The following CACNA2D1 variants were observed in gnomAD, a reference collection of about 807,000 sequenced individuals.
The protein encoded by CACNA2D1 is voltage-dependent calcium channel subunit alpha-2/delta-1.
Under a neutral mutation model 171.5 loss-of-function variants are expected in CACNA2D1, and 53 were observed. The ratio of observed to expected loss-of-function variants is 0.31; its 90% CI spans 0.25 to 0.39. The LOEUF is 0.39. CACNA2D1 is among the 10% of genes least tolerant of loss of function. The pLI is 1.00. For missense variants in CACNA2D1, 903 were observed against 1,299.8 expected (o/e 0.69, Z 4.69); for synonymous variants, 442 against 443.1 (o/e 1.00, Z 0.03).
chr7:82,014,465 C>T lies in CACNA2D1; in HGVS notation c.1158G>A (p.Thr386=), dbSNP rs753918568. ...CATAATTGTGTTGACCAACTGAAAA[C>T]GTGAATACACGTACCTGGATGAATT... ...YNKDKKVRVF[T]FSVGQHNYDR... is the part of the protein sequence containing the mutation. Residue 386 remains threonine, a synonymous_variant, in exon 13 of 39, where the codon ACG becomes ACA. Coordinates refer to ENST00000356860, the MANE Select transcript of CACNA2D1 (RefSeq NM_000722.4). 9.6e-6 allele frequency: 15 copies of T among 1,570,448 alleles called. No homozygotes were observed. Among genetic ancestry groups the T allele is most frequent in the African/African-American group, 4.1e-5 (3 of 74,030 alleles).
rs142990169 is a variant in CACNA2D1 at position 82,299,973 on chromosome 7, G to A, written c.294+35162C>T. Among the ~76,000 whole-genome samples, 91 of 152,260 alleles carry A rather than the reference G, an allele frequency of 6.0e-4. No individual in the cohort carries two copies. In the Middle Eastern group the frequency reaches 0.017, roughly 28 times the overall value. ...GATAAATATGAACTGAAATGGGCGC[G>A]TATGGATTTTACCAGTTAGGAGACA... On this transcript the variant is annotated intron_variant, in intron 3 of 38. Coordinates refer to ENST00000356860, the MANE Select transcript of CACNA2D1 (RefSeq NM_000722.4).
intron 24 of CACNA2D1, among the ~76,000 whole-genome samples, chr7:81,980,172 C>CA (rs35616922): frequency 0.044 from 1,106 of 25,260 alleles, 160 homozygotes; most frequent in African/African-American, 0.086. Context: ...TAAAACCAAG[C>CA]AAAAAAAAAA....
At chr7:82,320,148 A>G (rs1815636985) in intron 3 of CACNA2D1, among the ~76,000 whole-genome samples, 3 of 152,132 alleles carry the variant, frequency 2.0e-5, no homozygotes, top group Non-Finnish European at 4.4e-5. Context: ...TATGTTGCCA[A>G]CAACAAAGGC....
intron 1 of CACNA2D1, among the ~76,000 whole-genome samples, chr7:82,368,133 C>T (rs1821964164): frequency 6.6e-6 from 1 of 152,274 alleles, no homozygotes; most frequent in East Asian, 1.9e-4. Flanking sequence ...GCACTGCCAC[C>T]ACTGCCAGTT....
chr7:82,001,663 A>G, intron 18 of CACNA2D1: 1 of 1,234,438 alleles, frequency 8.1e-7, no homozygotes, highest in Non-Finnish European at 1.1e-6. Context: ...AGTTACCTGG[A>G]TATTGGGTCT....
chr7:82,191,442 G>T (rs913811243), intron 3 of CACNA2D1, among the ~76,000 whole-genome samples: 3 of 151,728 alleles, frequency 2.0e-5, no homozygotes, highest in South Asian at 2.1e-4. Context: ...CTGCTTTTCA[G>T]CAAAAAGGTG....
At chr7:82,067,555 GATTT>G (rs1281326241) in intron 7 of CACNA2D1, among the ~76,000 whole-genome samples, 20 of 152,168 alleles carry the variant, frequency 1.3e-4, no homozygotes, top group African/African-American at 4.6e-4. Flanking sequence ...ATTAAAAAAT[GATTT>G]ATTTGTTCTA....
chr7:82,370,274 A>G (rs2129448140), intron 1 of CACNA2D1, among the ~76,000 whole-genome samples: 1 of 152,158 alleles, frequency 6.6e-6, no homozygotes, highest in East Asian at 1.9e-4. Flanking sequence ...ATGACTGTCT[A>G]CATAACAATC....
Position 82,007,660 on chromosome 7 carries a change from T to C in CACNA2D1, c.1440+19A>G. On this transcript the variant is annotated intron_variant, in intron 16 of 38. Coordinates refer to ENST00000356860, the MANE Select transcript of CACNA2D1 (RefSeq NM_000722.4). ...AGTTTGTCATTTATTATTATTAATT[T>C]TATCAATTAACTTTTAACCTTTAAG... 1.6e-6 allele frequency: 2 copies of C among 1,247,150 alleles called. No homozygotes were observed. Among genetic ancestry groups the C allele is most frequent in the South Asian group, 2.4e-5 (2 of 81,760 alleles). The allele number at this position is 1,247,150 out of a possible 1,614,324, so 77.3% of individuals were successfully genotyped here.
intron 3 of CACNA2D1, among the ~76,000 whole-genome samples, chr7:82,302,189 G>A (rs185736496): frequency 9.9e-5 from 15 of 152,082 alleles, no homozygotes; most frequent in Admixed American, 7.2e-4. Context: ...TCTAGATTTT[G>A]GGGGTTTTTG....
At chr7:82,379,782 C>A (rs1161617013) in intron 1 of CACNA2D1, among the ~76,000 whole-genome samples, 1 of 152,156 alleles carries the variant, frequency 6.6e-6, no homozygotes, top group Non-Finnish European at 1.5e-5. Context: ...AGTGCCAACT[C>A]ATTCCTTCTA....
chr7:82,433,903 C>T (rs1305618133), intron 1 of CACNA2D1, among the ~76,000 whole-genome samples: 14 of 152,212 alleles, frequency 9.2e-5, no homozygotes, highest in Admixed American at 9.2e-4. Flanking sequence ...TTCCAAATCC[C>T]ATCTCCTGGT....
At chr7:82,221,282 G>A (rs916030122) in intron 3 of CACNA2D1, among the ~76,000 whole-genome samples, 11 of 152,084 alleles carry the variant, frequency 7.2e-5, no homozygotes, top group Admixed American at 2.6e-4. Context: ...ACACTTTTGC[G>A]AACTGTGTTA....
intron 3 of CACNA2D1, among the ~76,000 whole-genome samples, chr7:82,276,012 T>C (rs1809270611): frequency 6.6e-6 from 1 of 152,196 alleles, no homozygotes; most frequent in Non-Finnish European, 1.5e-5. Context: ...TATTATCATT[T>C]CTTGACAGGC....
At chr7:81,956,414 A>AAAGGGAAAATAAGGACAAT (rs1793356946) in intron 38 of CACNA2D1, among the ~76,000 whole-genome samples, 6 of 152,068 alleles carry the variant, frequency 3.9e-5, no homozygotes, top group African/African-American at 1.5e-4. Context: ...TTTTGAATCA[A>AAAGGGAAAATAAGGACAAT]AAGGGAAAAT....
At chr7:82,224,120 ATT>A (rs1333908074) in intron 3 of CACNA2D1, among the ~76,000 whole-genome samples, 1 of 152,024 alleles carries the variant, frequency 6.6e-6, no homozygotes, top group Non-Finnish European at 1.5e-5. Context: ...ATTCACTACT[ATT>A]TGCCCAAGAT....
rs75878977 is a variant in CACNA2D1 at position 82,094,848 on chromosome 7, C to T, written c.527-9948G>A. Among the ~76,000 whole-genome samples the T allele has an allele frequency of 4.7e-3, 715 of 151,194 alleles. 7 individuals are homozygous for T. Among genetic ancestry groups the T allele is most frequent in the African/African-American group, 0.015 (610 of 41,040 alleles). ...GTTCTAATGCCAGTGTAGCTATCCTCGTTTCTGCTCCTAGCCGTACTCTTG... is the reference window on the plus strand; with the variant it reads ...GTTCTAATGCCAGTGTAGCTATCCTTGTTTCTGCTCCTAGCCGTACTCTTG... On this transcript the variant is annotated intron_variant, in intron 6 of 38. Transcript: ENST00000356860.
At chr7:82,159,123 T>G (rs1794675230) in intron 4 of CACNA2D1, among the ~76,000 whole-genome samples, 1 of 151,968 alleles carries the variant, frequency 6.6e-6, no homozygotes, top group Non-Finnish European at 1.5e-5. Context: ...TCAGGAACAC[T>G]TATGTTGACA....
At chr7:82,119,429 G>A (rs1789461136) in intron 5 of CACNA2D1, among the ~76,000 whole-genome samples, 1 of 152,114 alleles carries the variant, frequency 6.6e-6, no homozygotes, top group Non-Finnish European at 1.5e-5. Flanking sequence ...GGATGAGGAG[G>A]TCATTCAATT....
Sources: gnomAD v4.1 joint callset for allele counts (sites outside exome capture counted in the v4.1 genomes callset) on GRCh38, gnomAD v4.1.1 for gene constraint, MANE v1.5 for transcripts, NCBI Gene and HGNC (gene_info 2026-07-23, HGNC 2026-07-21) for gene names.